The following C3 variants were observed in gnomAD, a reference collection of about 807,000 sequenced individuals.
The protein encoded by C3 is complement C3, also known as C3 and PZP-like alpha-2-macroglobulin domain-containing protein 1.
In C3, 97 loss-of-function variants were observed where a neutral mutation model predicts 207.9. The ratio of observed to expected loss-of-function variants is 0.47; its 90% CI spans 0.40 to 0.55. C3 has a LOEUF of 0.55. C3 is among the 20% of genes least tolerant of loss of function. The pLI is 0.00. For missense variants in C3, 1,684 were observed against 2,171.7 expected (o/e 0.78, Z 4.46); for synonymous variants, 848 against 857.6 (o/e 0.99, Z 0.20).
In C3 at chr19:6,697,771, C is replaced by G; in HGVS notation, c.2464G>C (p.Glu822Gln). ...AAGAAGTCCTGCATTACTGTGACCT[C>G]GAAGGGGTCTGCCACACAGATCCCT... ...KKGICVADPFEVTVMQDFFID... is the reference protein window; with the variant it reads ...KKGICVADPFQVTVMQDFFID... The change falls in exon 20 of 41, where the codon GAG (glutamate) becomes CAG (glutamine). Residue 822 changes from glutamate (E) to glutamine (Q), a missense_variant. Glu to Gln is a conservative substitution (Grantham distance 29, BLOSUM62 2). This residue lies in a region of C3 where 1,280 missense variants were observed against 1,739.1 expected (regional missense o/e 0.74). Coordinates refer to ENST00000245907, the MANE Select transcript of C3 (RefSeq NM_000064.4). 6.2e-7 allele frequency: 1 copy of G among 1,613,562 alleles called. No homozygotes were observed.
chr19:6,699,243 CTT>C (rs58493671), intron 19 of C3, among the ~76,000 whole-genome samples: 2 of 131,268 alleles, frequency 1.5e-5, no homozygotes, highest in African/African-American at 5.4e-5. Context: ...CTTTTCTTTT[CTT>C]TTTTTTTTTT....
At chr19:6,707,674 G>A in intron 15 of C3, 126 bp downstream of exon 15, 6 of 1,520,538 alleles carry the variant, frequency 3.9e-6, no homozygotes, top group South Asian at 1.1e-5. Flanking sequence ...CAGAGGGGAG[G>A]GATTTACTAG....
chr19:6,708,637 C>T (rs1474862802), intron 14 of C3, among the ~76,000 whole-genome samples: 1 of 137,144 alleles, frequency 7.3e-6, no homozygotes, highest in Non-Finnish European at 1.5e-5. Flanking sequence ...CTTTCTTTTT[C>T]TTTCTCTCTG....
intron 19 of C3, among the ~76,000 whole-genome samples, chr19:6,700,303 ATATATATTATATGT>A (rs1967619130): frequency 6.5e-5 from 1 of 15,356 alleles, no homozygotes; most frequent in African/African-American, 3.3e-4. Context: ...GTGATATGCA[ATATATATTATATGT>A]AATATAACAT....
At chr19:6,678,987 C>T (rs1327342175) in intron 38 of C3, 138 bp downstream of exon 38, 3 of 732,100 alleles carry the variant, frequency 4.1e-6, no homozygotes, top group East Asian at 5.4e-5. Flanking sequence ...TGGCCCCTCA[C>T]AATACATGCT....
chr19:6,684,202 C>T lies in C3; in HGVS notation c.4172+186G>A, dbSNP rs986744050. ...ACAGTCTCAGCTTACGTGGTCATTG[C>T]TGTGGTCTCACATTAACATGCAAAG... On this transcript the variant is annotated intron_variant, in intron 33 of 40. Coordinates refer to ENST00000245907, the MANE Select transcript of C3 (RefSeq NM_000064.4). 1.0e-5 allele frequency: 7 copies of T among 697,752 alleles called. No homozygotes were observed. The African/African-American group carries it at 1.2e-4, about 12-fold the overall frequency. 43.2% of individuals were successfully genotyped at this position (697,752 alleles called of 1,614,324 possible). A position where few individuals can be genotyped will look rare whatever the true frequency, so the allele number is the denominator to read the frequency against.
At chr19:6,715,284 G>T (rs1036878197) in intron 4 of C3, among the ~76,000 whole-genome samples, 4 of 152,158 alleles carry the variant, frequency 2.6e-5, no homozygotes, top group Non-Finnish European at 4.4e-5. Context: ...AGACCAGCCT[G>T]GGAAATGTAG....
intron 27 of C3, 24 bp downstream of exon 27, chr19:6,690,605 G>A (rs1190636098): frequency 1.3e-6 from 2 of 1,584,366 alleles, no homozygotes; most frequent in African/African-American, 1.3e-5. Context: ...GGTAGGGTAG[G>A]GTGGGAAGAT....
intron 26 of C3, among the ~76,000 whole-genome samples, chr19:6,691,478 C>T (rs1200740617): frequency 1.3e-5 from 2 of 152,172 alleles, no homozygotes. Context: ...GGAGTCAACT[C>T]TCACAGACGG....
At chr19:6,694,030 C>T (rs1918239144) in intron 24 of C3, among the ~76,000 whole-genome samples, 1 of 108,222 alleles carries the variant, frequency 9.2e-6, no homozygotes, top group South Asian at 3.2e-4. Flanking sequence ...AAGAGCCTGG[C>T]CTGGGAGGAG....
At position 6,690,953 on chromosome 19, in the gene C3, G is replaced by A. The variant is rs567509405; in HGVS notation, c.3391-226C>T. ...TGTGCAATGTACAATGGGTACAACG[G>A]TCTGATCCATTGTAAAACCAGACAC... On this transcript the variant is annotated intron_variant, in intron 26 of 40. Coordinates refer to ENST00000245907, the MANE Select transcript of C3 (RefSeq NM_000064.4). Among the ~76,000 whole-genome samples the A allele has an allele frequency of 2.0e-5, 3 of 152,182 alleles. No individual in the cohort carries two copies. The South Asian group carries it at 6.2e-4, about 32-fold the overall frequency.
At chr19:6,697,299 G>T in intron 21 of C3, 45 bp downstream of exon 21, 1 of 1,404,558 alleles carries the variant, frequency 7.1e-7, no homozygotes, top group Non-Finnish European at 1.0e-6. Context: ...AAGACCAGGA[G>T]CCCTCTCTGA....
At position 6,682,041 on chromosome 19, in the gene C3, G is replaced by A. The variant is rs767975717; in HGVS notation, c.4261-11C>T. On this transcript the variant is annotated splice_polypyrimidine_tract_variant and intron_variant, in intron 34 of 40. Transcript: ENST00000245907. The stretch of plus-strand genomic sequence containing the variant: ...AACACCATTGGCCAGCTGGGGAAAG[G>A]TGGAGCCTGTGAAAAATCCCTCCTG... The A allele has an allele frequency of 1.2e-6, 2 of 1,613,206 alleles. No homozygotes were observed. The highest frequency in any genetic ancestry group is 1.7e-6 in the Non-Finnish European group (2 of 1,179,146).
Position 6,702,530 on chromosome 19 carries a change from A to G in C3, c.2295T>C (p.Ser765=). ...TCCACAGCCAGCTCTCTGGGAACTC[A>G]CTTCGGGAAACGATGTTCTCTTCTG... ...IIAEENIVSR[S]EFPESWLWNV... The change falls in exon 18 of 41, where the codon AGT becomes AGC. Residue 765 remains serine, a synonymous_variant. Transcript: ENST00000245907. The G allele has an allele frequency of 6.2e-7, 1 of 1,614,148 alleles. No homozygotes were observed. Among genetic ancestry groups the G allele is most frequent in the South Asian group, 1.1e-5 (1 of 91,088 alleles).
intron 26 of C3, among the ~76,000 whole-genome samples, chr19:6,692,247 C>A (rs1035467252): frequency 6.6e-6 from 1 of 152,206 alleles, no homozygotes; most frequent in African/African-American, 2.4e-5. Flanking sequence ...GGATTACAGG[C>A]ATGGGCCGTC....
intron 17 of C3, among the ~76,000 whole-genome samples, chr19:6,704,426 C>T (rs1433962513): frequency 1.3e-5 from 2 of 152,220 alleles, no homozygotes; most frequent in Admixed American, 1.3e-4. Flanking sequence ...ATCTCCATAA[C>T]AACAAAGTAG....
chr19:6,707,167 C>T lies in C3; in HGVS notation c.2154G>A (p.Glu718=). 1 of 1,613,820 alleles carries T rather than the reference C, an allele frequency of 6.2e-7. No homozygotes were observed. Among genetic ancestry groups the T allele is most frequent in the South Asian group, 1.1e-5 (1 of 91,084 alleles). The part of the protein sequence containing the change: ...QRRTRFISLG[E]ACKKVFLDCC... The stretch of plus-strand genomic sequence containing the variant: ...AGTCCAGGAAGACCTTCTTGCACGC[C>T]TCGCCCAGGGAGATGAAACGGGTCC... The change falls in exon 17 of 41, where the codon GAG becomes GAA. Residue 718 remains glutamate, a synonymous_variant. Transcript: ENST00000245907.
chr19:6,677,833 C>G lies in C3; in HGVS notation c.*49G>C, dbSNP rs113074880. 122 of 1,610,190 alleles carry G rather than the reference C, an allele frequency of 7.6e-5. No homozygotes were observed. Among genetic ancestry groups the G allele is most frequent in the South Asian group, 1.3e-4 (12 of 90,948 alleles). On this transcript the variant is annotated 3_prime_UTR_variant, in exon 41 of 41. Coordinates refer to ENST00000245907, the MANE Select transcript of C3 (RefSeq NM_000064.4). ...CCCTCTTGGCAAAGAACTCCAGACA[C>G]GTGAGATATAACTGAAGCTTTATCT...
intron 23 of C3, 122 bp from the exon 24 acceptor site, chr19:6,694,756 G>C: frequency 1.2e-6 from 1 of 841,944 alleles, no homozygotes; most frequent in Admixed American, 2.4e-5. Context: ...GGCGAGGACT[G>C]GGGAGGATGT....
Sources: gnomAD v4.1 joint callset for allele counts (sites outside exome capture counted in the v4.1 genomes callset) on GRCh38, gnomAD v4.1.1 for gene constraint, gnomAD v4.1.1 regional missense constraint, MANE v1.5 for transcripts, NCBI Gene and HGNC (gene_info 2026-07-23, HGNC 2026-07-21) for gene names.